Variants in PHTF2 observed in about 807,000 individuals in gnomAD.
PHTF2 encodes putative homeodomain transcription factor 2, also known as protein PHTF2.
Under a neutral mutation model 101.2 loss-of-function variants are expected in PHTF2, and 60 were observed. The observed-to-expected ratio is 0.59, with a 90% confidence interval of 0.48 to 0.73. The LOEUF is 0.73. Ranked by LOEUF, PHTF2 falls within the 30% of genes least tolerant of loss-of-function variation. The pLI is 0.00. For missense variants in PHTF2, 747 were observed against 908.7 expected (o/e 0.82, Z 2.29); for synonymous variants, 311 against 307.3 (o/e 1.01, Z -0.13).
intron 3 of PHTF2, among the ~76,000 whole-genome samples, chr7:77,887,232 G>C (rs986925609): frequency 2.0e-5 from 3 of 151,892 alleles, no homozygotes; most frequent in Non-Finnish European, 4.4e-5. Context: ...AGTTTTTACA[G>C]CATGTATAAA....
chr7:77,925,639 T>A (rs908566621), intron 11 of PHTF2, among the ~76,000 whole-genome samples: 1 of 151,446 alleles, frequency 6.6e-6, no homozygotes, highest in African/African-American at 2.4e-5. Context: ...CTAATTTTTG[T>A]ATTTTAATAG....
intron 2 of PHTF2, among the ~76,000 whole-genome samples, chr7:77,847,496 A>C (rs1456689275): frequency 6.6e-6 from 1 of 152,210 alleles, no homozygotes; most frequent in Non-Finnish European, 1.5e-5. Context: ...TGTAAGCTGC[A>C]GATAGTAATG....
chr7:77,801,573 A>G (rs576318080), intron 1 of PHTF2, among the ~76,000 whole-genome samples: 3 of 152,342 alleles, frequency 2.0e-5, no homozygotes, highest in Non-Finnish European at 4.4e-5. Context: ...TGACAGAGCA[A>G]GACACCGTCT....
intron 1 of PHTF2, among the ~76,000 whole-genome samples, chr7:77,827,178 C>A (rs1794750016): frequency 6.6e-6 from 1 of 152,028 alleles, no homozygotes; most frequent in Admixed American, 6.6e-5. Context: ...TGATTTTTGT[C>A]ACTTTTTTCT....
rs116422046 is a variant in PHTF2, at chr7:77,880,702, C to T, written c.148-12906C>T. 5.3e-3 allele frequency among the ~76,000 whole-genome samples: 802 copies of T among 152,266 alleles called. 8 individuals carry two copies. The highest frequency in any genetic ancestry group is 0.018 in the African/African-American group (744 of 41,550). ...GCTCTCTCCACTGTAGCTCTGGCAC[C>T]GTGCTTTAGGCCCCCATGGTTCTGC... On this transcript the variant is annotated intron_variant, in intron 3 of 19. Transcript: ENST00000416283.
At chr7:77,924,866 G>C (rs1803812970) in intron 11 of PHTF2, among the ~76,000 whole-genome samples, 1 of 152,166 alleles carries the variant, frequency 6.6e-6, no homozygotes, top group Non-Finnish European at 1.5e-5. Context: ...TTAATGTGTA[G>C]ACTTTCATTT....
intron 3 of PHTF2, among the ~76,000 whole-genome samples, 193 bp from the exon 3 acceptor site, chr7:77,893,415 C>T (rs1250134126): frequency 1.3e-5 from 2 of 152,036 alleles, no homozygotes; most frequent in East Asian, 1.9e-4. Context: ...TCCAAGGTGA[C>T]GCTAGTACTA....
chr7:77,918,232 C>T (rs960501799), intron 9 of PHTF2, among the ~76,000 whole-genome samples: 2 of 152,038 alleles, frequency 1.3e-5, no homozygotes, highest in African/African-American at 4.8e-5. Flanking sequence ...TTTTTTTTAA[C>T]CCTATAGAGT....
chr7:77,898,898 A>C (rs2150821363), intron 5 of PHTF2, among the ~76,000 whole-genome samples: 1 of 152,228 alleles, frequency 6.6e-6, no homozygotes, highest in South Asian at 2.1e-4. Context: ...CCCTGGGTTC[A>C]AACAGTTCTC....
At chr7:77,830,892 T>C (rs1455035892) in intron 1 of PHTF2, among the ~76,000 whole-genome samples, 1 of 152,212 alleles carries the variant, frequency 6.6e-6, no homozygotes, top group Non-Finnish European at 1.5e-5. Context: ...GGCACTTACC[T>C]CAGTCACAGA....
chr7:77,846,432 A>G (rs1238223581), intron 2 of PHTF2, among the ~76,000 whole-genome samples: 2 of 152,232 alleles, frequency 1.3e-5, no homozygotes, highest in African/African-American at 4.8e-5. Flanking sequence ...CACTTTTTCA[A>G]TGCTTTACAT....
At chr7:77,876,053 A>G (rs1263213322) in intron 3 of PHTF2, among the ~76,000 whole-genome samples, 1 of 152,202 alleles carries the variant, frequency 6.6e-6, no homozygotes, top group African/African-American at 2.4e-5. Flanking sequence ...TGCCTGAGCT[A>G]GAATTCAAAT....
intron 3 of PHTF2, among the ~76,000 whole-genome samples, chr7:77,885,346 C>T (rs915549224): frequency 1.3e-5 from 2 of 152,178 alleles, no homozygotes; most frequent in African/African-American, 2.4e-5. Context: ...ATCCTCCTGC[C>T]TTGGCCTTGC....
At chr7:77,954,955 A>T in exon 20 of PHTF2, 1 of 743,360 alleles carries the variant, frequency 1.3e-6, no homozygotes, top group East Asian at 2.7e-5. Context: ...CTTGTCACTG[A>T]TTCTTTGCTT....
intron 1 of PHTF2, among the ~76,000 whole-genome samples, chr7:77,834,267 C>T (rs962887753): frequency 2.8e-5 from 4 of 143,380 alleles, no homozygotes; most frequent in South Asian, 2.2e-4. Flanking sequence ...GAGCCCTGAT[C>T]GTGCCACTGC....
intron 3 of PHTF2, among the ~76,000 whole-genome samples, chr7:77,889,594 CTTTTTTTT>C (rs779369229): frequency 7.9e-6 from 1 of 126,622 alleles, no homozygotes; most frequent in African/African-American, 3.0e-5. Context: ...TTTTTTTTTC[CTTTTTTTT>C]TTTTTTTGAG....
intron 7 of PHTF2, among the ~76,000 whole-genome samples, chr7:77,904,966 A>T (rs1325292726): frequency 6.6e-6 from 1 of 152,156 alleles, no homozygotes; most frequent in African/African-American, 2.4e-5. Context: ...CCAGGTTCAT[A>T]AACTTTCTTA....
At chr7:77,898,280 T>C (rs1801063167) in intron 5 of PHTF2, among the ~76,000 whole-genome samples, 1 of 152,104 alleles carries the variant, frequency 6.6e-6, no homozygotes, top group African/African-American at 2.4e-5. Context: ...TAAATTAGGA[T>C]TCAGATTAGT....
At chr7:77,882,504 TGCAGA>T (rs1799503190) in intron 3 of PHTF2, among the ~76,000 whole-genome samples, 1 of 152,190 alleles carries the variant, frequency 6.6e-6, no homozygotes, top group Admixed American at 6.5e-5. Context: ...TGCAAGTGGT[TGCAGA>T]GCAAACTCTT....
Sources: allele counts gnomAD v4.1 joint callset (sites outside exome capture counted in the v4.1 genomes callset), GRCh38; gene constraint gnomAD v4.1.1; transcripts MANE v1.5; gene names NCBI Gene and HGNC (gene_info 2026-07-23, HGNC 2026-07-21).